SPEM2: variants seen among roughly 807,000 people sequenced by gnomAD.
SPEM2 encodes the protein SPEM family member 2.
A neutral mutation model predicts 9.3 loss-of-function variants in SPEM2; 15 were observed. The ratio of observed to expected loss-of-function variants is 1.62; its 90% confidence interval spans 1.08 to 2.50. SPEM2 has a LOEUF of 2.50. Among genes scored for constraint, SPEM2 ranks in the 30% most tolerant of loss-of-function variants. The pLI, the probability that SPEM2 is intolerant of heterozygous loss-of-function variation, is 0.00. For missense variants in SPEM2, 678 were observed against 690.0 expected, an observed-to-expected ratio of 0.98 and a Z score of 0.19; for synonymous variants, 268 against 272.4, an observed-to-expected ratio of 0.98 and a Z score of 0.16.
chr17:7,426,790 C>G lies in SPEM2; in HGVS notation c.799C>G (p.Leu267Val). ...TGGGCGCCACGGTTCCCAATCCCGACTGTGGGGCAATGTGGAGGCTGAGCA... is the reference window on the plus strand; with the variant it reads ...TGGGCGCCACGGTTCCCAATCCCGAGTGTGGGGCAATGTGGAGGCTGAGCA... ...SYGRHGSQSR[L>V]WGNVEAEQWA... The change falls in exon 3 of 3, where the codon CTG (leucine) becomes GTG (valine). Residue 267 changes from leucine (L) to valine (V), a missense_variant. By Grantham distance (32) the Leu-to-Val change is conservative. Coordinates refer to ENST00000333870, the MANE Select transcript of SPEM2 (RefSeq NM_175734.5). The surrounding 1 kb of genome is among the most constrained non-coding windows in gnomAD (Gnocchi z 5.3). 1 of 1,603,526 alleles carries G rather than the reference C, an allele frequency of 6.2e-7. No individual in the cohort carries two copies. The highest frequency in any genetic ancestry group is 1.7e-5 in the Admixed American group (1 of 59,282).
rs1308115557 is a variant in SPEM2 at position 7,425,662 on chromosome 17, C to T, written c.-27C>T. The T allele has an allele frequency of 1.9e-6, 3 of 1,608,494 alleles. No individual in the cohort carries two copies. The highest frequency in any genetic ancestry group is 4.5e-5 in the East Asian group (2 of 44,822). ...GGGGGTGGGGGGCAGAGGGGGGTGG[C>T]CCAGGTGGCCCTAGGACCCCCCCTC... On this transcript the variant is annotated 5_prime_UTR_variant, in exon 1 of 3. Transcript: ENST00000333870.
At position 7,425,778 on chromosome 17, in the gene SPEM2, G is replaced by C. The variant is rs1907564298; in HGVS notation, c.90G>C (p.Leu30=). The stretch of plus-strand genomic sequence containing the variant: ...ATGCCGAGGACATCTTACTCCTGCT[G>C]CTGGGCCTCATCGTTCTTGTCAACA... ...PHDAEDILLL[L]LGLIVLVNIG... The change falls in exon 1 of 3, where the codon CTG becomes CTC. Residue 30 remains leucine, a synonymous_variant. Transcript: ENST00000333870. 6.2e-7 allele frequency: 1 copy of C among 1,614,220 alleles called. No individual in the cohort carries two copies. The highest frequency in any genetic ancestry group is 8.5e-7 in the Non-Finnish European group (1 of 1,180,018).
At position 7,427,542 on chromosome 17, in the gene SPEM2, G is replaced by A; in HGVS notation, c.*45G>A. 1.3e-6 allele frequency: 2 copies of A among 1,522,250 alleles called. No homozygotes were observed. The highest frequency in any genetic ancestry group is 2.3e-5 in the East Asian group (1 of 44,026). The allele number at this position is 1,522,250 out of a possible 1,614,324, so 94.3% of individuals were successfully genotyped here. A position where few individuals can be genotyped will look rare whatever the true frequency, so the allele number is the denominator to read the frequency against. On this transcript the variant is annotated 3_prime_UTR_variant, in exon 3 of 3. Coordinates refer to ENST00000333870, the MANE Select transcript of SPEM2 (RefSeq NM_175734.5). The surrounding 1 kb of genome is among the most constrained non-coding windows in gnomAD (Gnocchi z 5.4). Reference sequence around the variant, plus strand: ...TGTGGGGCAGGGCATGGAGGGAGAGGAATAAAGAGAAACAGAGTCCAGGAA... The same window carrying A: ...TGTGGGGCAGGGCATGGAGGGAGAGAAATAAAGAGAAACAGAGTCCAGGAA...
In SPEM2 at chr17:7,426,739, A is replaced by G; in HGVS notation, c.748A>G (p.Arg250Gly). Residue 250 changes from arginine (R) to glycine (G), a missense_variant, in exon 3 of 3, where the codon AGG becomes GGG. Coordinates refer to ENST00000333870, the MANE Select transcript of SPEM2 (RefSeq NM_175734.5). The surrounding 1 kb of genome is among the most constrained non-coding windows in gnomAD (Gnocchi z 5.3). ...CTGCATGCCCAAGCGTGTAGAGGCC[A>G]GGTCTGAGCTGAGGCTGCAGTCCTA... is the stretch of plus-strand genomic sequence containing the variant. ...LRCMPKRVEA[R>G]SELRLQSYGR... is the part of the protein sequence containing the mutation. 1 of 1,610,602 alleles carries G rather than the reference A, an allele frequency of 6.2e-7. No homozygotes were observed. Among genetic ancestry groups the G allele is most frequent in the South Asian group, 1.1e-5 (1 of 90,590 alleles).
In SPEM2 at chr17:7,427,215, C is replaced by T. The variant is rs1907662298; in HGVS notation, c.1224C>T (p.Asp408=). Residue 408 remains aspartate (D), a synonymous_variant, in exon 3 of 3, where the codon GAC becomes GAT. Transcript: ENST00000333870. This position sits in a 1 kb window ranked among gnomAD's most constrained non-coding sequence, Gnocchi z 5.4. ...CCTCTGCCTCCCTCACGGTGTTGGA[C>T]GAGGCCTCCCATCAACGGACCCCAG... ...LTTSASLTVL[D]EASHQRTPAP... 6.2e-6 allele frequency: 10 copies of T among 1,614,190 alleles called. No individual in the cohort carries two copies. Among genetic ancestry groups the T allele is most frequent in the Non-Finnish European group, 7.6e-6 (9 of 1,180,016 alleles).
rs1406540246 is a variant in SPEM2 at position 7,426,381 on chromosome 17, C to T, written c.390C>T (p.Arg130=). The change falls in exon 3 of 3, where the codon CGC becomes CGT. Residue 130 remains arginine (R), a synonymous_variant. Coordinates refer to ENST00000333870, the MANE Select transcript of SPEM2 (RefSeq NM_175734.5). The surrounding 1 kb of genome is among the most constrained non-coding windows in gnomAD (Gnocchi z 5.3). ...GCTGTGTTCGTCGCCGCCGCCGCCG[C>T]CACCGCCGTTGTCGCCGTCGCTGCT... ...LLRCVRRRRR[R]HRRCRRRCCN... is the part of the protein sequence containing the mutation. 6.2e-7 allele frequency: 1 copy of T among 1,613,556 alleles called. No homozygotes were observed.
At position 7,426,651 on chromosome 17, in the gene SPEM2, C is replaced by A; in HGVS notation, c.660C>A (p.Gly220=). ...AGLPSNVGLW[G]HQGGILASLP... ...TGCCCTCCAATGTGGGGCTGTGGGGCCACCAGGGTGGTATCCTGGCCAGTC... is the reference window on the plus strand; with the variant it reads ...TGCCCTCCAATGTGGGGCTGTGGGGACACCAGGGTGGTATCCTGGCCAGTC... Residue 220 remains glycine, a synonymous_variant, in exon 3 of 3, where the codon GGC becomes GGA. Transcript: ENST00000333870. The surrounding 1 kb of genome is among the most constrained non-coding windows in gnomAD (Gnocchi z 5.3). The A allele has an allele frequency of 6.2e-7, 1 of 1,614,014 alleles. No homozygotes were observed.
At position 7,427,358 on chromosome 17, in the gene SPEM2, C is replaced by A. The variant is rs762027982; in HGVS notation, c.1367C>A (p.Ala456Asp). 4.3e-6 allele frequency: 7 copies of A among 1,614,096 alleles called. No homozygotes were observed. The highest frequency in any genetic ancestry group is 5.9e-6 in the Non-Finnish European group (7 of 1,180,018). ...CTCAGCCGGAATCCAGGGGGCAATG[C>A]CAACTACCAGGTGTACGACAGCCTG... ...VPLSRNPGGN[A>D]NYQVYDSLEL... is the part of the protein sequence containing the mutation. The change falls in exon 3 of 3, where the codon GCC becomes GAC. Residue 456 changes from alanine to aspartate, a missense_variant. Coordinates refer to ENST00000333870, the MANE Select transcript of SPEM2 (RefSeq NM_175734.5). This position sits in a 1 kb window ranked among gnomAD's most constrained non-coding sequence, Gnocchi z 5.4.
Position 7,427,328 on chromosome 17 carries a change from T to C in SPEM2, c.1337T>C (p.Val446Ala). Residue 446 changes from valine to alanine, a missense_variant, in exon 3 of 3, where the codon GTC (valine) becomes GCC (alanine). Physicochemically the swap from Val to Ala is moderately conservative, Grantham distance 64 (BLOSUM62 0). Transcript: ENST00000333870. The surrounding 1 kb of genome is among the most constrained non-coding windows in gnomAD (Gnocchi z 5.4). Reference protein sequence around the residue: ...ADPAPPPTMFVPLSRNPGGNA... With the variant: ...ADPAPPPTMFAPLSRNPGGNA... ...CCTGCCCCTCCCCCGACCATGTTTG[T>C]CCCACTCAGCCGGAATCCAGGGGGC... 6.2e-7 allele frequency: 1 copy of C among 1,614,060 alleles called. No homozygotes were observed. Among genetic ancestry groups the C allele is most frequent in the Non-Finnish European group, 8.5e-7 (1 of 1,179,970 alleles).
rs753844132 is a variant in SPEM2 at position 7,426,004 on chromosome 17, A to G, written c.150A>G (p.Gly50=). ...CCACCCTGCCCCAGATGTGGCATGGACTCCAGAACGCCTTAGACAAGATGA... is the reference window on the plus strand; with the variant it reads ...CCACCCTGCCCCAGATGTGGCATGGGCTCCAGAACGCCTTAGACAAGATGA... ...GINVATMMWH[G]LQNALDKMID... The change falls in exon 2 of 3, where the codon GGA becomes GGG. Residue 50 remains glycine, a synonymous_variant. Transcript: ENST00000333870. The surrounding 1 kb of genome is among the most constrained non-coding windows in gnomAD (Gnocchi z 5.3). 2 of 1,614,048 alleles carry G rather than the reference A, an allele frequency of 1.2e-6. No individual in the cohort carries two copies. The highest frequency in any genetic ancestry group is 1.7e-5 in the Admixed American group (1 of 60,008).
Position 7,426,447 on chromosome 17 carries a change from C to G in SPEM2, c.456C>G (p.Pro152=), listed in dbSNP as rs759404351. 2.4e-5 allele frequency: 39 copies of G among 1,613,786 alleles called. No individual in the cohort carries two copies. The highest frequency in any genetic ancestry group is 3.2e-5 in the Non-Finnish European group (38 of 1,180,050). The change falls in exon 3 of 3, where the codon CCC becomes CCG. Residue 152 remains proline (P), a synonymous_variant. Coordinates refer to ENST00000333870, the MANE Select transcript of SPEM2 (RefSeq NM_175734.5). The surrounding 1 kb of genome is among the most constrained non-coding windows in gnomAD (Gnocchi z 5.3). ...GGCCGCAGAACTACAGACAAATCCC[C>G]CATAGCCACTCAGTCTTCCGTAACC... ...QQRPQNYRQI[P]HSHSVFRNPH...
rs756910171 is a variant in SPEM2 at position 7,426,654 on chromosome 17, C to T, written c.663C>T (p.His221=). ...GLPSNVGLWG[H]QGGILASLPP... ...CCTCCAATGTGGGGCTGTGGGGCCACCAGGGTGGTATCCTGGCCAGTCTGC... is the reference window on the plus strand; with the variant it reads ...CCTCCAATGTGGGGCTGTGGGGCCATCAGGGTGGTATCCTGGCCAGTCTGC... Residue 221 remains histidine (H), a synonymous_variant, in exon 3 of 3, where the codon CAC becomes CAT. Coordinates refer to ENST00000333870, the MANE Select transcript of SPEM2 (RefSeq NM_175734.5). The surrounding 1 kb of genome is among the most constrained non-coding windows in gnomAD (Gnocchi z 5.3). 1 of 1,614,076 alleles carries T rather than the reference C, an allele frequency of 6.2e-7. No homozygotes were observed. The highest frequency in any genetic ancestry group is 8.5e-7 in the Non-Finnish European group (1 of 1,180,016).
In SPEM2 at chr17:7,426,120, C is replaced by A; in HGVS notation, c.197-68C>A. On this transcript the variant is annotated intron_variant, in intron 2 of 2. Transcript: ENST00000333870. The surrounding 1 kb of genome is among the most constrained non-coding windows in gnomAD (Gnocchi z 5.3). ...CTGACAATGGCCCTAGAAACCCAGG[C>A]CCCAGTGTTCCCAACCTTGAGCTCT... The A allele has an allele frequency of 6.2e-7, 1 of 1,612,860 alleles. No homozygotes were observed. The highest frequency in any genetic ancestry group is 8.5e-7 in the Non-Finnish European group (1 of 1,178,916).
In SPEM2 at chr17:7,427,507, G is replaced by C. The variant is rs776244852; in HGVS notation, c.*10G>C. 1 of 1,556,480 alleles carries C rather than the reference G, an allele frequency of 6.4e-7. No individual in the cohort carries two copies. Among genetic ancestry groups the C allele is most frequent in the Admixed American group, 1.9e-5 (1 of 53,460 alleles). ...CGAGAAACTCAACTGACCAGCAGGC[G>C]GATGTGGGGTGTGGGGCAGGGCATG... is the stretch of plus-strand genomic sequence containing the variant. On this transcript the variant is annotated 3_prime_UTR_variant, in exon 3 of 3. Transcript: ENST00000333870. This position sits in a 1 kb window ranked among gnomAD's most constrained non-coding sequence, Gnocchi z 5.4.
In SPEM2 at chr17:7,425,723, G is replaced by A. The variant is rs779898926; in HGVS notation, c.35G>A (p.Cys12Tyr). 1.9e-6 allele frequency: 3 copies of A among 1,614,084 alleles called. No homozygotes were observed. Residue 12 changes from cysteine to tyrosine, a missense_variant, in exon 1 of 3, where the codon TGT becomes TAT. Cys to Tyr is a radical substitution (Grantham distance 194, BLOSUM62 -2). Coordinates refer to ENST00000333870, the MANE Select transcript of SPEM2 (RefSeq NM_175734.5). ...CAGCTATGGCATAACACCGTGAGAT[G>A]TTGCAATCAATACCAAGAAAGCCCC... Reference protein sequence around the residue: ...ENQLWHNTVRCCNQYQESPHD... With the variant: ...ENQLWHNTVRYCNQYQESPHD...
At position 7,427,448 on chromosome 17, in the gene SPEM2, C is replaced by T. The variant is rs537230526; in HGVS notation, c.1457C>T (p.Ser486Phe). ...RSSSLPPAST[S>F]TLRPSLHRSQ... ...AGCTCACTGCCACCGGCTTCCACCT[C>T]CACCTTGAGGCCCTCTCTGCACAGG... The change falls in exon 3 of 3, where the codon TCC becomes TTC. Residue 486 changes from serine (S) to phenylalanine (F), a missense_variant. Coordinates refer to ENST00000333870, the MANE Select transcript of SPEM2 (RefSeq NM_175734.5). The surrounding 1 kb of genome is among the most constrained non-coding windows in gnomAD (Gnocchi z 5.4). 2.1e-5 allele frequency: 34 copies of T among 1,604,788 alleles called. No homozygotes were observed. In the East Asian group the frequency reaches 4.0e-4, roughly 19 times the overall value.
Position 7,426,401 on chromosome 17 carries a change from G to A in SPEM2, c.410G>A (p.Arg137His), listed in dbSNP as rs200196310. 173 of 1,613,456 alleles carry A rather than the reference G, an allele frequency of 1.1e-4. 1 individual carries two copies. In the Admixed American group the frequency reaches 1.7e-3, roughly 16 times the overall value. Residue 137 changes from arginine (R) to histidine (H), a missense_variant, in exon 3 of 3, where the codon CGC becomes CAC. Coordinates refer to ENST00000333870, the MANE Select transcript of SPEM2 (RefSeq NM_175734.5). The surrounding 1 kb of genome is among the most constrained non-coding windows in gnomAD (Gnocchi z 5.3). ...CGCCGCCACCGCCGTTGTCGCCGTCGCTGCTGCAACCACCAGCAGCGGCCG... is the reference window on the plus strand; with the variant it reads ...CGCCGCCACCGCCGTTGTCGCCGTCACTGCTGCAACCACCAGCAGCGGCCG... ...RRRRHRRCRR[R>H]CCNHQQRPQN...
Position 7,427,560 on chromosome 17 carries a change from T to A in SPEM2, c.*63T>A. 1 of 1,513,534 alleles carries A rather than the reference T, an allele frequency of 6.6e-7. No individual in the cohort carries two copies. Among genetic ancestry groups the A allele is most frequent in the Admixed American group, 2.2e-5 (1 of 45,854 alleles). The allele number at this position is 1,513,534 out of a possible 1,614,324, so 93.8% of individuals were successfully genotyped here. A position where few individuals can be genotyped will look rare whatever the true frequency, so the allele number is the denominator to read the frequency against. On this transcript the variant is annotated 3_prime_UTR_variant, in exon 3 of 3. Coordinates refer to ENST00000333870, the MANE Select transcript of SPEM2 (RefSeq NM_175734.5). The surrounding 1 kb of genome is among the most constrained non-coding windows in gnomAD (Gnocchi z 5.4). ...GGGAGAGGAATAAAGAGAAACAGAGTCCAGGAAACACTGTGGTGGTCTGTA... is the reference window on the plus strand; with the variant it reads ...GGGAGAGGAATAAAGAGAAACAGAGACCAGGAAACACTGTGGTGGTCTGTA...
Position 7,427,004 on chromosome 17 carries a change from G to T in SPEM2, c.1013G>T (p.Gly338Val), listed in dbSNP as rs1414350399. 1.2e-6 allele frequency: 2 copies of T among 1,611,304 alleles called. No homozygotes were observed. Among genetic ancestry groups the T allele is most frequent in the Non-Finnish European group, 8.5e-7 (1 of 1,179,840 alleles). Residue 338 changes from glycine (G) to valine (V), a missense_variant, in exon 3 of 3, where the codon GGC (glycine) becomes GTC (valine). By Grantham distance (109) the Gly-to-Val change is moderately radical. Coordinates refer to ENST00000333870, the MANE Select transcript of SPEM2 (RefSeq NM_175734.5). This position sits in a 1 kb window ranked among gnomAD's most constrained non-coding sequence, Gnocchi z 5.4. Reference sequence around the variant, plus strand: ...CGGAACGCCCGGCCTGAGGCCCAGGGCTGCCGGGAGCACCACTCCCCACAG... The same window carrying T: ...CGGAACGCCCGGCCTGAGGCCCAGGTCTGCCGGGAGCACCACTCCCCACAG... ...VSRNARPEAQ[G>V]CREHHSPQSH... is the part of the protein sequence containing the mutation.
Sources: gnomAD v4.1 joint callset for allele counts on GRCh38, gnomAD v4.1.1 for gene constraint, Gnocchi (gnomAD v3.1) non-coding constraint, MANE v1.5 for transcripts, NCBI Gene and HGNC (gene_info 2026-07-23, HGNC 2026-07-21) for gene names.